The following INPP4B variants were observed in gnomAD, a reference collection of about 807,000 sequenced individuals.
The protein encoded by INPP4B is inositol polyphosphate 4-phosphatase type II.
A neutral mutation model predicts 122.5 loss-of-function variants in INPP4B; 55 were observed. The observed-to-expected ratio is 0.45, with a 90% CI of 0.36 to 0.56. INPP4B has a LOEUF of 0.56. Ranked by LOEUF, INPP4B falls within the 20% of genes least tolerant of loss-of-function variation. INPP4B has a pLI of 0.00. For synonymous variants in INPP4B, 403 were observed against 388.7 expected, an observed-to-expected ratio of 1.04 and a Z score of -0.43; for missense variants, 1,000 against 1,097.7, an observed-to-expected ratio of 0.91 and a Z score of 1.26.
At chr4:142,436,510 A>AGAT (rs1197861767) in intron 3 of INPP4B, among the ~76,000 whole-genome samples, 2 of 152,154 alleles carry the variant, frequency 1.3e-5, no homozygotes, top group African/African-American at 2.4e-5. Context: ...TACTAGCATC[A>AGAT]GATCGGTGCC....
At chr4:142,223,512 A>G (rs750441566) in intron 12 of INPP4B, among the ~76,000 whole-genome samples, 1 of 152,282 alleles carries the variant, frequency 6.6e-6, no homozygotes, top group South Asian at 2.1e-4. Context: ...CTTCTAAATG[A>G]GTTTTGCCTT....
chr4:142,042,801 T>C (rs1264838573), intron 25 of INPP4B, among the ~76,000 whole-genome samples: 1 of 152,086 alleles, frequency 6.6e-6, no homozygotes, highest in East Asian at 1.9e-4. Flanking sequence ...GACCTTGTGA[T>C]TCGCCCACCT....
At chr4:142,231,369 C>T (rs116074126) in intron 12 of INPP4B, among the ~76,000 whole-genome samples, 178 of 152,244 alleles carry the variant, frequency 1.2e-3, no homozygotes, top group African/African-American at 4.1e-3. Flanking sequence ...TGCACATATA[C>T]GTGATTTCTG....
chr4:142,323,943 A>G (rs111897799), intron 7 of INPP4B, among the ~76,000 whole-genome samples: 1 of 152,054 alleles, frequency 6.6e-6, no homozygotes, highest in African/African-American at 2.4e-5. Context: ...ATTGGCTGAA[A>G]TGTGTTTCTC....
At chr4:142,587,693 T>G (rs1003776790) in intron 2 of INPP4B, among the ~76,000 whole-genome samples, 1 of 152,096 alleles carries the variant, frequency 6.6e-6, no homozygotes, top group African/African-American at 2.4e-5. Context: ...AATCCTATTA[T>G]ACTCTTTTAG....
chr4:142,159,083 A>T (rs1165531472), intron 17 of INPP4B, among the ~76,000 whole-genome samples: 1 of 152,030 alleles, frequency 6.6e-6, no homozygotes, highest in East Asian at 1.9e-4. Context: ...TATAACAATA[A>T]TACTAAAGTA....
intron 25 of INPP4B, among the ~76,000 whole-genome samples, chr4:142,068,509 A>T (rs1764990425): frequency 6.6e-6 from 1 of 152,228 alleles, no homozygotes; most frequent in Non-Finnish European, 1.5e-5. Flanking sequence ...AATGGGCTAA[A>T]TGCTCCAATT....
At chr4:142,564,451 A>AAAG (rs1553960083) in intron 2 of INPP4B, among the ~76,000 whole-genome samples, 13 of 131,696 alleles carry the variant, frequency 9.9e-5, no homozygotes, top group African/African-American at 3.4e-4. Flanking sequence ...AAAAAAAAAA[A>AAAG]AAAGAAAGAA....
chr4:142,668,236 A>G (rs1395141242), intron 2 of INPP4B, among the ~76,000 whole-genome samples: 1 of 152,246 alleles, frequency 6.6e-6, no homozygotes, highest in East Asian at 1.9e-4. Flanking sequence ...GATATGTCAC[A>G]TTAACAGAAT....
At chr4:142,197,728 G>A (rs1198471057) in intron 14 of INPP4B, among the ~76,000 whole-genome samples, 2 of 152,030 alleles carry the variant, frequency 1.3e-5, no homozygotes, top group African/African-American at 2.4e-5. Flanking sequence ...TACCTGAATC[G>A]TTACTTTAGT....
At chr4:142,252,671 G>A (rs921679313) in intron 11 of INPP4B, among the ~76,000 whole-genome samples, 1 of 152,116 alleles carries the variant, frequency 6.6e-6, no homozygotes, top group Non-Finnish European at 1.5e-5. Context: ...TGTGAATAAT[G>A]CAGTACACAC....
chr4:142,695,046 C>T (rs1760833949), intron 2 of INPP4B, among the ~76,000 whole-genome samples: 1 of 152,074 alleles, frequency 6.6e-6, no homozygotes, highest in African/African-American at 2.4e-5. Flanking sequence ...CAAATAGCAA[C>T]ACAAGTTAAT....
chr4:142,098,343 CA>C (rs1216027199), intron 23 of INPP4B, among the ~76,000 whole-genome samples: 4 of 151,202 alleles, frequency 2.6e-5, no homozygotes, highest in Non-Finnish European at 4.4e-5. Flanking sequence ...TGAAAACAAA[CA>C]AACAACAACA....
chr4:142,555,005 T>G (rs1461206876), intron 2 of INPP4B, among the ~76,000 whole-genome samples: 1 of 152,156 alleles, frequency 6.6e-6, no homozygotes, highest in Non-Finnish European at 1.5e-5. Flanking sequence ...CCTAAGGGCC[T>G]GGGGGATGGC....
chr4:142,623,995 T>G (rs1026045129), intron 2 of INPP4B, among the ~76,000 whole-genome samples: 1 of 152,256 alleles, frequency 6.6e-6, no homozygotes, highest in Non-Finnish European at 1.5e-5. Context: ...TGGTTCCAAG[T>G]CTTTGCTATC....
At chr4:142,178,394 T>G (rs1276463779) in intron 15 of INPP4B, among the ~76,000 whole-genome samples, 2 of 152,170 alleles carry the variant, frequency 1.3e-5, no homozygotes, top group Non-Finnish European at 2.9e-5. Context: ...TAAATAATAC[T>G]CTCAGATATT....
In INPP4B at chr4:142,028,917, G is replaced by A; in HGVS notation, c.2643-3C>T. On this transcript the variant is annotated splice_polypyrimidine_tract_variant and splice_region_variant and intron_variant, in intron 25 of 25. Transcript: ENST00000262992. ...CATTCTCTATGCGGCATCCTTCTCT[G>A]GTGAAAGGGGAAAAAGTACAACTTC... The A allele has an allele frequency of 1.2e-6, 2 of 1,606,490 alleles. No individual in the cohort carries two copies. The highest frequency in any genetic ancestry group is 2.2e-5 in the South Asian group (2 of 89,134).
chr4:142,079,881 C>T (rs1772932325), intron 25 of INPP4B, among the ~76,000 whole-genome samples: 3 of 152,018 alleles, frequency 2.0e-5, no homozygotes, highest in Admixed American at 2.0e-4. Flanking sequence ...ATAAAATATT[C>T]ACAAACATAA....
At chr4:142,533,035 T>A (rs1230130121) in intron 2 of INPP4B, among the ~76,000 whole-genome samples, 1 of 152,158 alleles carries the variant, frequency 6.6e-6, no homozygotes, top group African/African-American at 2.4e-5. Flanking sequence ...GAAAGGCATG[T>A]CAAAAATACG....
Sources: gnomAD v4.1 joint callset for allele counts (sites outside exome capture counted in the v4.1 genomes callset) on GRCh38, gnomAD v4.1.1 for gene constraint, MANE v1.5 for transcripts, NCBI Gene and HGNC (gene_info 2026-07-23, HGNC 2026-07-21) for gene names.